HMCN1: variants seen among roughly 807,000 people sequenced by gnomAD.
The protein encoded by HMCN1 is hemicentin-1.
HMCN1 carries 321 observed loss-of-function variants against 625.9 expected under a neutral mutation model. The ratio of observed to expected loss-of-function variants is 0.51; its 90% CI spans 0.47 to 0.56. The LOEUF (loss-of-function observed/expected upper bound fraction) is 0.56, where lower values mean the gene tolerates loss of function less well. Among genes scored for constraint, HMCN1 ranks in the 20% least tolerant of loss-of-function variants. HMCN1 has a pLI of 0.00. For synonymous variants in HMCN1, 2,425 were observed against 2,417.6 expected, an observed-to-expected ratio of 1.00 and a Z score of -0.09; for missense variants, 6,588 against 6,887.3, an observed-to-expected ratio of 0.96 and a Z score of 1.54.
chr1:186,100,981 A>G (rs1476025311), intron 68 of HMCN1, among the ~76,000 whole-genome samples: 1 of 152,064 alleles, frequency 6.6e-6, no homozygotes, highest in East Asian at 1.9e-4. Context: ...AAGCCCCACA[A>G]AACCACATCC....
chr1:186,159,231 C>T (rs1651257826), intron 97 of HMCN1, among the ~76,000 whole-genome samples: 2 of 151,804 alleles, frequency 1.3e-5, no homozygotes, highest in African/African-American at 4.8e-5. Context: ...GGCTCTCTGT[C>T]TGTTATTGGT....
chr1:185,966,704 G>T (rs1168437320), intron 14 of HMCN1, among the ~76,000 whole-genome samples: 1 of 152,122 alleles, frequency 6.6e-6, no homozygotes, highest in Non-Finnish European at 1.5e-5. Context: ...CAGATGAAAA[G>T]TGTTAAATAG....
chr1:185,848,733 G>C lies in HMCN1; in HGVS notation c.339+2637G>C, dbSNP rs767476576. ...TTGTGAATGATGTTATAGTATTCTG[G>C]TTACCCAGCCAAATATCTGGATACT... On this transcript the variant is annotated intron_variant, in intron 2 of 106. Transcript: ENST00000271588. Among the ~76,000 whole-genome samples, 63 of 151,986 alleles carry C rather than the reference G, an allele frequency of 4.1e-4. 1 individual carries two copies. The Middle Eastern group carries it at 0.01, about 25-fold the overall frequency.
chr1:185,999,310 T>A (rs16824844), intron 25 of HMCN1, among the ~76,000 whole-genome samples: 4,300 of 152,166 alleles, frequency 0.028, 209 homozygotes, highest in African/African-American at 0.098. Flanking sequence ...GTTTGCTAAA[T>A]AAATACATTG....
intron 25 of HMCN1, among the ~76,000 whole-genome samples, chr1:185,997,915 CTTTG>C (rs1351284126): frequency 4.0e-5 from 6 of 151,726 alleles, no homozygotes; most frequent in African/African-American, 1.2e-4. Flanking sequence ...AGGACTATTC[CTTTG>C]TTTGTTCTGG....
chr1:185,793,563 G>A (rs1254377838), intron 1 of HMCN1, among the ~76,000 whole-genome samples: 1 of 152,174 alleles, frequency 6.6e-6, no homozygotes, highest in Non-Finnish European at 1.5e-5. Flanking sequence ...CTAGGGGTTA[G>A]GATGTGGACA....
At chr1:185,865,622 CACACACACAT>C (rs879529021) in intron 3 of HMCN1, 109 bp from the exon 4 acceptor site, 123 of 717,036 alleles carry the variant, frequency 1.7e-4, no homozygotes, top group African/African-American at 7.1e-4. Flanking sequence ...CACACACACA[CACACACACAT>C]TCACATATTC....
At chr1:185,908,298 G>A (rs1264139046) in intron 4 of HMCN1, among the ~76,000 whole-genome samples, 1 of 151,732 alleles carries the variant, frequency 6.6e-6, no homozygotes, top group African/African-American at 2.4e-5. Flanking sequence ...TTGGTTACTT[G>A]AAATGTGACC....
intron 60 of HMCN1, 105 bp downstream of exon 60, chr1:186,087,750 C>A: frequency 7.7e-7 from 1 of 1,294,200 alleles, no homozygotes; most frequent in Non-Finnish European, 1.1e-6. Flanking sequence ...AAATGATTTT[C>A]ATTAAAAAAA....
chr1:185,962,971 A>G (rs998211377), intron 12 of HMCN1, among the ~76,000 whole-genome samples: 9 of 152,200 alleles, frequency 5.9e-5, no homozygotes, highest in African/African-American at 2.2e-4. Flanking sequence ...TCTGTGAGGT[A>G]AAATAACATA....
chr1:185,933,429 G>T (rs1667651325), intron 10 of HMCN1, 120 bp from the exon 11 acceptor site: 1 of 939,374 alleles, frequency 1.1e-6, no homozygotes, highest in East Asian at 2.6e-5. Flanking sequence ...AGTAAGTTCT[G>T]TTGCACTGCA....
chr1:186,176,335 A>C (rs893512832), intron 103 of HMCN1, among the ~76,000 whole-genome samples: 2 of 152,216 alleles, frequency 1.3e-5, no homozygotes, highest in Admixed American at 1.3e-4. Context: ...TCCTACCTCT[A>C]AAACTTATAA....
Position 185,911,796 on chromosome 1 carries a change from A to C in HMCN1, c.900+16A>C, listed in dbSNP as rs1666438996. On this transcript the variant is annotated intron_variant, in intron 6 of 106. Coordinates refer to ENST00000271588, the MANE Select transcript of HMCN1 (RefSeq NM_031935.3). Reference sequence around the variant, plus strand: ...GACAGTGAAGGTACGGTTGTTTCACAAAGTTTGTTTATTGTTTTATTTTGA... The same window carrying C: ...GACAGTGAAGGTACGGTTGTTTCACCAAGTTTGTTTATTGTTTTATTTTGA... 3 of 1,572,666 alleles carry C rather than the reference A, an allele frequency of 1.9e-6. No individual in the cohort carries two copies. The highest frequency in any genetic ancestry group is 2.6e-6 in the Non-Finnish European group (3 of 1,142,520).
intron 35 of HMCN1, 97 bp from the exon 36 acceptor site, chr1:186,022,933 G>C: frequency 8.3e-7 from 1 of 1,211,892 alleles, no homozygotes. Flanking sequence ...AATATTGTTA[G>C]ATATTATAAA....
Position 186,061,891 on chromosome 1 carries a change from T to C in HMCN1, c.7353T>C (p.Asp2451=), listed in dbSNP as rs376086614. Residue 2451 remains aspartate, a synonymous_variant, in exon 47 of 107, where the codon GAT becomes GAC. Transcript: ENST00000271588. ...GGCTGATGCAGACCACAATGGAAGA[T>C]GCTGGCCAATATACTTGCGTTGTAA... The part of the protein sequence containing the change: ...MLRLMQTTME[D]AGQYTCVVRN... 2.5e-6 allele frequency: 4 copies of C among 1,613,292 alleles called. No individual in the cohort carries two copies. The African/African-American group carries it at 5.3e-5, about 22-fold the overall frequency.
At chr1:185,955,866 C>T (rs532597738) in intron 11 of HMCN1, among the ~76,000 whole-genome samples, 1 of 152,252 alleles carries the variant, frequency 6.6e-6, no homozygotes, top group South Asian at 2.1e-4. Context: ...TGTCCCAACT[C>T]CAGTTTACAT....
intron 4 of HMCN1, among the ~76,000 whole-genome samples, chr1:185,877,308 T>G (rs1289658709): frequency 6.8e-6 from 1 of 147,938 alleles, no homozygotes; most frequent in African/African-American, 2.5e-5. Flanking sequence ...ATTTCATTGA[T>G]CTATGTGTCT....
intron 1 of HMCN1, among the ~76,000 whole-genome samples, chr1:185,752,521 A>C (rs1557942022): frequency 6.6e-6 from 1 of 152,100 alleles, no homozygotes; most frequent in Non-Finnish European, 1.5e-5. Flanking sequence ...TATTTCTTTA[A>C]AAGGAAATTC....
In HMCN1 at chr1:185,909,438, T is replaced by A. The variant is rs1666291117; in HGVS notation, c.723T>A (p.Asp241Glu). The change falls in exon 5 of 107, where the codon GAT becomes GAA. Residue 241 changes from aspartate (D) to glutamate (E), a missense_variant. This residue lies in a region of HMCN1 where 4,628 missense variants were observed against 4,853.1 expected (regional missense o/e 0.95). Coordinates refer to ENST00000271588, the MANE Select transcript of HMCN1 (RefSeq NM_031935.3). ...TAAATACTTGGAGAATTCCTTTTGA[T>A]CCCAGCCTGAAAGAGGTCACTGTGT... ...QAVNTWRIPF[D>E]PSLKEVTVSL... The A allele has an allele frequency of 6.2e-7, 1 of 1,613,560 alleles. No homozygotes were observed. Among genetic ancestry groups the A allele is most frequent in the Non-Finnish European group, 8.5e-7 (1 of 1,179,698 alleles).
Sources: allele counts gnomAD v4.1 joint callset (sites outside exome capture counted in the v4.1 genomes callset), GRCh38; gene constraint gnomAD v4.1.1; regional missense constraint gnomAD v4.1.1; transcripts MANE v1.5; gene names NCBI Gene and HGNC (gene_info 2026-07-23, HGNC 2026-07-21).